The following TP53BP2 variants were observed in gnomAD, a reference collection of about 807,000 sequenced individuals.
TP53BP2 encodes apoptosis-stimulating of p53 protein 2.
TP53BP2 carries 62 observed loss-of-function variants against 126.2 expected under a neutral mutation model. The observed-to-expected ratio is 0.49, with a 90% CI of 0.40 to 0.61. The LOEUF is 0.61. Ranked by LOEUF, TP53BP2 falls within the 20% of genes least tolerant of loss-of-function variation. The probability of loss-of-function intolerance (pLI) is 0.00; values close to 1 mark genes in which losing one functional copy is unlikely to be tolerated. For synonymous variants in TP53BP2, 485 were observed against 502.9 expected, an observed-to-expected ratio of 0.96 and a Z score of 0.48; for missense variants, 1,215 against 1,402.8, an observed-to-expected ratio of 0.87 and a Z score of 2.14.
At chr1:223,839,483 T>C (rs1187412255) in intron 1 of TP53BP2, among the ~76,000 whole-genome samples, 1 of 152,250 alleles carries the variant, frequency 6.6e-6, no homozygotes, top group Non-Finnish European at 1.5e-5. Context: ...CTTAATCATT[T>C]TTTATTACCA....
intron 1 of TP53BP2, among the ~76,000 whole-genome samples, chr1:223,827,598 GGTAAAAGGA>G (rs1242796630): frequency 6.6e-6 from 1 of 152,154 alleles, no homozygotes; most frequent in Non-Finnish European, 1.5e-5. Context: ...GGAGACACAG[GGTAAAAGGA>G]GTGTTTTGTT....
intron 4 of TP53BP2, among the ~76,000 whole-genome samples, chr1:223,810,071 C>T (rs1662860180): frequency 2.0e-5 from 3 of 152,224 alleles, no homozygotes; most frequent in Admixed American, 2.0e-4. Flanking sequence ...GGTGAGTCAC[C>T]CACCTCAGCC....
intron 17 of TP53BP2, among the ~76,000 whole-genome samples, chr1:223,782,149 AATG>A (rs1445115515): frequency 6.6e-6 from 1 of 152,210 alleles, no homozygotes; most frequent in Non-Finnish European, 1.5e-5. Context: ...TCACCAAAAA[AATG>A]ATGACCATGT....
intron 13 of TP53BP2, among the ~76,000 whole-genome samples, chr1:223,794,427 T>C (rs1034977071): frequency 2.0e-5 from 3 of 152,254 alleles, no homozygotes; most frequent in African/African-American, 2.4e-5. Context: ...TACAGTGTAA[T>C]GACACTTGCC....
At chr1:223,837,155 A>AGGGGGGG (rs139243545) in intron 1 of TP53BP2, among the ~76,000 whole-genome samples, 4 of 76,638 alleles carry the variant, frequency 5.2e-5, no homozygotes, top group African/African-American at 9.6e-5. Context: ...TAAAAAAAAA[A>AGGGGGGG]GGGGGGGGGC....
intron 1 of TP53BP2, among the ~76,000 whole-genome samples, chr1:223,842,461 T>C (rs1664135334): frequency 6.6e-6 from 1 of 152,234 alleles, no homozygotes; most frequent in Non-Finnish European, 1.5e-5. Flanking sequence ...CCATTACAGC[T>C]GGACATTCAT....
rs901782472 is a variant in TP53BP2 at position 223,780,407 on chromosome 1, A to G, written c.*446T>C. 2.5e-5 allele frequency: 4 copies of G among 159,266 alleles called. No homozygotes were observed. In the South Asian group the frequency reaches 7.6e-4, roughly 30 times the overall value. The allele number at this position is 159,266 out of a possible 1,614,324, so 9.9% of individuals were successfully genotyped here. On this transcript the variant is annotated 3_prime_UTR_variant, in exon 18 of 18. Coordinates refer to ENST00000343537, the MANE Select transcript of TP53BP2 (RefSeq NM_001031685.3). Reference sequence around the variant, plus strand: ...TTCGAGCCTTCAGGTGAGCCCCCCAAGGGCCTGCTGGTGCCGGGGACAATC... The same window carrying G: ...TTCGAGCCTTCAGGTGAGCCCCCCAGGGGCCTGCTGGTGCCGGGGACAATC...
At chr1:223,818,942 T>C (rs1663194453) in intron 2 of TP53BP2, among the ~76,000 whole-genome samples, 1 of 150,874 alleles carries the variant, frequency 6.6e-6, no homozygotes, top group Non-Finnish European at 1.5e-5. Flanking sequence ...CCCAGCACTT[T>C]GGGAGGCCGA....
intron 15 of TP53BP2, among the ~76,000 whole-genome samples, chr1:223,790,141 C>T (rs562172138): frequency 1.3e-5 from 2 of 152,044 alleles, no homozygotes; most frequent in African/African-American, 4.8e-5. Flanking sequence ...GTGTGTAATC[C>T]CAGCTACTGG....
At chr1:223,788,053 A>C (rs1009427234) in intron 16 of TP53BP2, among the ~76,000 whole-genome samples, 1 of 151,010 alleles carries the variant, frequency 6.6e-6, no homozygotes, top group Non-Finnish European at 1.5e-5. Flanking sequence ...TGGGTGACAG[A>C]GTGAGACCTC....
intron 17 of TP53BP2, among the ~76,000 whole-genome samples, chr1:223,783,383 CAACCCTTTCCTT>C (rs1661837277): frequency 6.6e-6 from 1 of 152,236 alleles, no homozygotes; most frequent in African/African-American, 2.4e-5. Context: ...TTCCCTTCCT[CAACCCTTTCCTT>C]ACTTCCTCAC....
At chr1:223,783,382 T>A (rs890952416) in intron 17 of TP53BP2, among the ~76,000 whole-genome samples, 1 of 152,218 alleles carries the variant, frequency 6.6e-6, no homozygotes, top group Non-Finnish European at 1.5e-5. Flanking sequence ...CTTCCCTTCC[T>A]CAACCCTTTC....
chr1:223,780,593 T>C lies in TP53BP2; in HGVS notation c.*260A>G. ...CTTGTAGAAAACAGGATTGTCGCTG[T>C]ATACTTATCTGAGTGCTACACGGGA... On this transcript the variant is annotated 3_prime_UTR_variant, in exon 18 of 18. Coordinates refer to ENST00000343537, the MANE Select transcript of TP53BP2 (RefSeq NM_001031685.3). 1 of 427,324 alleles carries C rather than the reference T, an allele frequency of 2.3e-6. No homozygotes were observed. Among genetic ancestry groups the C allele is most frequent in the Non-Finnish European group, 4.2e-6 (1 of 239,410 alleles). The allele number at this position is 427,324 out of a possible 1,614,324, so 26.5% of individuals were successfully genotyped here. A position where few individuals can be genotyped will look rare whatever the true frequency, so the allele number is the denominator to read the frequency against.
Position 223,802,758 on chromosome 1 carries a change from T to G in TP53BP2, c.969A>C (p.Ala323=). ...GTAGATTTTCTTTTTGCTGTAGAGC[T>G]GCCTTCTTCTTCCACAGCCGGTCCC... ...ELRDRLWKKK[A]ALQQKENLPV... Residue 323 remains alanine, a synonymous_variant, in exon 8 of 18, where the codon GCA becomes GCC. Transcript: ENST00000343537. 1 of 1,614,202 alleles carries G rather than the reference T, an allele frequency of 6.2e-7. No individual in the cohort carries two copies.
chr1:223,784,249 G>A lies in TP53BP2; in HGVS notation c.3229C>T (p.Gln1077Ter). The change falls in exon 17 of 18, where the codon CAG (glutamine) becomes TAG (stop). Residue 1077 changes from glutamine to a stop codon, truncating the protein, a stop_gained. Transcript: ENST00000343537. LOFTEE classifies it high-confidence loss of function. Reference sequence around the variant, plus strand: ...TTCATGGGCAGCTCATCATCATTCTGAGGTTCATAATCCCAAAGCGCATAA... The same window carrying A: ...TTCATGGGCAGCTCATCATCATTCTAAGGTTCATAATCCCAAAGCGCATAA... ...VIYALWDYEP[Q>*]NDDELPMKEG... 6.2e-7 allele frequency: 1 copy of A among 1,614,074 alleles called. No individual in the cohort carries two copies. Among genetic ancestry groups the A allele is most frequent in the Non-Finnish European group, 8.5e-7 (1 of 1,180,012 alleles).
intron 15 of TP53BP2, 114 bp downstream of exon 15, chr1:223,792,275 G>C: frequency 8.5e-7 from 1 of 1,180,146 alleles, no homozygotes; most frequent in Non-Finnish European, 1.2e-6. Context: ...TAGATTACAA[G>C]CAGCTCAAGG....
chr1:223,812,560 T>C (rs1211113590), intron 3 of TP53BP2, among the ~76,000 whole-genome samples: 2 of 151,862 alleles, frequency 1.3e-5, no homozygotes, highest in East Asian at 1.9e-4. Flanking sequence ...GTTGTTGTTG[T>C]TGTTGTTGTT....
chr1:223,814,095 C>T lies in TP53BP2; in HGVS notation c.289+145G>A, dbSNP rs989077942. 29 of 605,854 alleles carry T rather than the reference C, an allele frequency of 4.8e-5. No homozygotes were observed. The African/African-American group carries it at 5.2e-4, about 11-fold the overall frequency. 37.5% of individuals were successfully genotyped at this position (605,854 alleles called of 1,614,324 possible). On this transcript the variant is annotated intron_variant, in intron 3 of 17. Coordinates refer to ENST00000343537, the MANE Select transcript of TP53BP2 (RefSeq NM_001031685.3). ...TAAACAACTATAGTCAAACTTCTCC[C>T]CTCGACAGCCTATCTCCACTGTTTC...
chr1:223,827,528 A>G (rs1663542224), intron 1 of TP53BP2, among the ~76,000 whole-genome samples: 1 of 152,228 alleles, frequency 6.6e-6, no homozygotes, highest in South Asian at 2.1e-4. Flanking sequence ...ACAGACAACT[A>G]GTTCTTCCAG....
Sources: gnomAD v4.1 joint callset for allele counts (sites outside exome capture counted in the v4.1 genomes callset) on GRCh38, gnomAD v4.1.1 for gene constraint, MANE v1.5 for transcripts, NCBI Gene and HGNC (gene_info 2026-07-23, HGNC 2026-07-21) for gene names.